The following RAD51B variants were observed in gnomAD, a reference collection of about 807,000 sequenced individuals.
RAD51B encodes RAD51 paralog B, also known as DNA repair protein RAD51 homolog 2.
Under a neutral mutation model 42.2 loss-of-function variants are expected in RAD51B, and 38 were observed. The ratio of observed to expected loss-of-function variants is 0.90; its 90% CI spans 0.70 to 1.18. The LOEUF (loss-of-function observed/expected upper bound fraction) is 1.18, where lower values mean the gene tolerates loss of function less well. Ranked by LOEUF, RAD51B falls within the 50% of genes most tolerant of loss-of-function variation. The pLI is 0.00. For missense variants in RAD51B, 373 were observed against 400.7 expected (o/e 0.93, Z 0.59); for synonymous variants, 154 against 145.2 (o/e 1.06, Z -0.43).
chr14:68,040,124 G>A (rs1566598468), intron 7 of RAD51B, among the ~76,000 whole-genome samples: 4 of 152,178 alleles, frequency 2.6e-5, no homozygotes, highest in Admixed American at 2.0e-4. Context: ...CAACATATAT[G>A]AATAAGGATG....
At position 67,907,470 on chromosome 14, in the gene RAD51B, C is replaced by T. The variant is rs370208325; in HGVS notation, c.756+20266C>T. ...GAGTAATTCAGATAAGGACTTGTTT[C>T]TGCTCCATGATGTCTGAGGCCTCAG... On this transcript the variant is annotated intron_variant, in intron 7 of 10. Transcript: ENST00000471583. 2.6e-5 allele frequency among the ~76,000 whole-genome samples: 4 copies of T among 152,060 alleles called. No homozygotes were observed. In the East Asian group the frequency reaches 7.7e-4, roughly 29 times the overall value.
intron 7 of RAD51B, among the ~76,000 whole-genome samples, chr14:67,930,345 T>G (rs549194496): frequency 5.5e-4 from 83 of 152,210 alleles, no homozygotes; most frequent in African/African-American, 1.8e-3. Flanking sequence ...GTGTGTGTTT[T>G]TTTTTTCCAC....
intron 11 of RAD51B, among the ~76,000 whole-genome samples, chr14:68,662,085 G>A (rs1241038940): frequency 6.6e-6 from 1 of 152,196 alleles, no homozygotes; most frequent in Non-Finnish European, 1.5e-5. Flanking sequence ...TAAAAGCAGT[G>A]CAGTGGCATT....
At chr14:68,674,732 AG>A (rs943982871) in intron 11 of RAD51B, among the ~76,000 whole-genome samples, 3 of 152,140 alleles carry the variant, frequency 2.0e-5, no homozygotes, top group African/African-American at 7.2e-5. Flanking sequence ...CCCATTACAC[AG>A]GGGTATGTGT....
chr14:68,581,210 G>A (rs1026390581), intron 10 of RAD51B, among the ~76,000 whole-genome samples: 4 of 152,140 alleles, frequency 2.6e-5, no homozygotes, highest in African/African-American at 9.7e-5. Context: ...AAAGTGATAG[G>A]CGGTCAGTAG....
At chr14:68,087,423 A>G (rs2077001480) in intron 7 of RAD51B, among the ~76,000 whole-genome samples, 1 of 152,124 alleles carries the variant, frequency 6.6e-6, no homozygotes, top group Non-Finnish European at 1.5e-5. Flanking sequence ...TATCATTCCC[A>G]TTATGATTCA....
intron 8 of RAD51B, among the ~76,000 whole-genome samples, chr14:68,347,585 T>C (rs571649221): frequency 2.6e-5 from 4 of 152,218 alleles, no homozygotes; most frequent in Admixed American, 2.6e-4. Flanking sequence ...AGCAGGAGGA[T>C]TGCTTGAGCC....
chr14:67,864,998 T>TTTTTTG lies in RAD51B; in HGVS notation c.316-3_316-2insTTTGTT. On this transcript the variant is annotated splice_region_variant and splice_polypyrimidine_tract_variant and intron_variant, in intron 4 of 10. Coordinates refer to ENST00000471583, the MANE Select transcript of RAD51B (RefSeq NM_133510.4). ...TTTTTTTTTTTTTTTTTTTTTTTTT[T>TTTTTTG]TTAGATTACAGGTCCACCAGGTTGT... 7.7e-7 allele frequency: 1 copy of TTTTTTG among 1,300,316 alleles called. No homozygotes were observed. The highest frequency in any genetic ancestry group is 2.2e-5 in the African/African-American group (1 of 45,286). The allele number at this position is 1,300,316 out of a possible 1,614,324, so 80.5% of individuals were successfully genotyped here. A position where few individuals can be genotyped will look rare whatever the true frequency, so the allele number is the denominator to read the frequency against.
At chr14:68,258,687 C>T (rs1184184170) in intron 7 of RAD51B, among the ~76,000 whole-genome samples, 3 of 152,034 alleles carry the variant, frequency 2.0e-5, no homozygotes, top group East Asian at 1.9e-4. Context: ...TCCAACATTG[C>T]CACTCAAGGA....
At position 68,278,934 on chromosome 14, in the gene RAD51B, A is replaced by AT. The variant is rs34941378; in HGVS notation, c.757-12939dup. Among the ~76,000 whole-genome samples, 1,450 of 148,448 alleles carry AT rather than the reference A, an allele frequency of 9.8e-3. 26 individuals are homozygous for AT. Among genetic ancestry groups the AT allele is most frequent in the East Asian group, 0.058 (294 of 5,076 alleles). On this transcript the variant is annotated intron_variant, in intron 7 of 10. Transcript: ENST00000471583. ...AAATGATGTTGCATGTGAAATGCAG[A>AT]TTTTTTTTTTTCTGTTCTCCTAACA...
At chr14:68,049,100 C>T (rs1294677610) in intron 7 of RAD51B, among the ~76,000 whole-genome samples, 3 of 151,948 alleles carry the variant, frequency 2.0e-5, no homozygotes, top group Non-Finnish European at 2.9e-5. Flanking sequence ...CAGCAGACTA[C>T]CGCAAGGACA....
chr14:68,329,477 A>G (rs976565191), intron 8 of RAD51B, among the ~76,000 whole-genome samples: 1 of 152,214 alleles, frequency 6.6e-6, no homozygotes, highest in Non-Finnish European at 1.5e-5. Context: ...AGAAATCTAC[A>G]GAAGGTACCT....
chr14:68,266,872 G>A (rs2081002173), intron 7 of RAD51B, among the ~76,000 whole-genome samples: 2 of 152,188 alleles, frequency 1.3e-5, no homozygotes, highest in Non-Finnish European at 2.9e-5. Context: ...TTTGTAAAGT[G>A]CTGTAAAAAT....
At chr14:68,305,498 C>T (rs2081841163) in intron 8 of RAD51B, among the ~76,000 whole-genome samples, 1 of 152,082 alleles carries the variant, frequency 6.6e-6, no homozygotes, top group African/African-American at 2.4e-5. Flanking sequence ...AGAAAAGTTA[C>T]AAAAAGAAGG....
chr14:67,874,668 G>T (rs1424588910), intron 5 of RAD51B, among the ~76,000 whole-genome samples: 3 of 151,804 alleles, frequency 2.0e-5, no homozygotes, highest in Admixed American at 6.6e-5. Flanking sequence ...CTGTTTTTTT[G>T]TTGTTTTTTT....
intron 11 of RAD51B, among the ~76,000 whole-genome samples, chr14:68,678,626 A>G (rs1483735041): frequency 1.3e-5 from 2 of 152,094 alleles, no homozygotes; most frequent in African/African-American, 2.4e-5. Context: ...CTGAGGGATG[A>G]CCTGAGGCCT....
intron 7 of RAD51B, among the ~76,000 whole-genome samples, chr14:68,182,918 G>A (rs1464993727): frequency 6.6e-6 from 1 of 152,108 alleles, no homozygotes; most frequent in Non-Finnish European, 1.5e-5. Flanking sequence ...ATAACTTCAG[G>A]TTGATTACTG....
intron 7 of RAD51B, among the ~76,000 whole-genome samples, chr14:68,211,993 T>C (rs1287403551): frequency 1.3e-5 from 2 of 152,334 alleles, no homozygotes; most frequent in Admixed American, 1.3e-4. Flanking sequence ...GTCAGATTGT[T>C]ATGGTCTGTA....
chr14:68,548,076 G>A (rs778493117), intron 10 of RAD51B, among the ~76,000 whole-genome samples: 5 of 152,230 alleles, frequency 3.3e-5, no homozygotes, highest in Non-Finnish European at 7.3e-5. Flanking sequence ...AGGGGAGGGA[G>A]GCAGAGGAGG....
Sources: gnomAD v4.1 joint callset for allele counts (sites outside exome capture counted in the v4.1 genomes callset) on GRCh38, gnomAD v4.1.1 for gene constraint, MANE v1.5 for transcripts, NCBI Gene and HGNC (gene_info 2026-07-23, HGNC 2026-07-21) for gene names.